The following PPP3CA variants were observed in gnomAD, a reference collection of about 807,000 sequenced individuals.
PPP3CA encodes the protein protein phosphatase 3 catalytic subunit alpha.
In PPP3CA, 14 loss-of-function variants were observed where a neutral mutation model predicts 66.5. That is an observed-to-expected ratio of 0.21 (90% CI 0.14 to 0.33). The LOEUF (loss-of-function observed/expected upper bound fraction) is 0.33, where lower values mean the gene tolerates loss of function less well. PPP3CA is among the 10% of genes least tolerant of loss of function. PPP3CA has a pLI of 1.00. For synonymous variants in PPP3CA, 232 were observed against 226.2 expected (o/e 1.03, Z -0.23); for missense variants, 317 against 639.5 (o/e 0.50, Z 5.44).
At chr4:101,269,553 C>CGTGTGTGTGTGTGTGTGTGT (rs55721209) in intron 1 of PPP3CA, among the ~76,000 whole-genome samples, 4 of 135,882 alleles carry the variant, frequency 2.9e-5, no homozygotes, top group East Asian at 2.1e-4. Context: ...AAACAAGGAA[C>CGTGTGTGTGTGTGTGTGTGT]GTGTGTGTGT....
chr4:101,069,383 G>C (rs1728816080), intron 8 of PPP3CA, among the ~76,000 whole-genome samples: 1 of 151,970 alleles, frequency 6.6e-6, no homozygotes. Flanking sequence ...TTACTCACTA[G>C]GTGGAAATGG....
At chr4:101,173,630 A>G (rs1209915874) in intron 2 of PPP3CA, among the ~76,000 whole-genome samples, 2 of 152,158 alleles carry the variant, frequency 1.3e-5, no homozygotes, top group South Asian at 2.1e-4. Flanking sequence ...GTTTTAAATA[A>G]CAGTTTAGCA....
intron 1 of PPP3CA, among the ~76,000 whole-genome samples, chr4:101,280,819 C>CA (rs5860668): frequency 0.36 from 29,924 of 84,220 alleles, 4,720 homozygotes; most frequent in East Asian, 0.56. Context: ...GACTCAGTCT[C>CA]AAAAAAAAAA....
intron 4 of PPP3CA, among the ~76,000 whole-genome samples, chr4:101,098,745 G>A (rs763555320): frequency 2.0e-5 from 3 of 151,620 alleles, no homozygotes; most frequent in Non-Finnish European, 4.4e-5. Flanking sequence ...TTTTCATAAC[G>A]TTTTGTATAG....
At chr4:101,027,386 C>T (rs185281818) in intron 13 of PPP3CA, among the ~76,000 whole-genome samples, 11 of 152,148 alleles carry the variant, frequency 7.2e-5, no homozygotes, top group Admixed American at 6.5e-4. Flanking sequence ...TTTCAATACT[C>T]ATTAAAAGAT....
intron 1 of PPP3CA, among the ~76,000 whole-genome samples, chr4:101,283,804 T>C (rs1727755821): frequency 6.6e-6 from 1 of 152,090 alleles, no homozygotes; most frequent in Non-Finnish European, 1.5e-5. Flanking sequence ...AACTAAGTCA[T>C]GGTATGACTC....
At chr4:101,176,353 G>A (rs1008295573) in intron 2 of PPP3CA, among the ~76,000 whole-genome samples, 2 of 152,158 alleles carry the variant, frequency 1.3e-5, no homozygotes, top group Non-Finnish European at 2.9e-5. Context: ...TGCTGCAGAA[G>A]TAAAGTCATC....
intron 2 of PPP3CA, among the ~76,000 whole-genome samples, chr4:101,121,997 C>T (rs568285755): frequency 3.3e-5 from 5 of 152,072 alleles, no homozygotes; most frequent in Admixed American, 6.6e-5. Flanking sequence ...TAGAGGCTCT[C>T]TAGCATTTCA....
intron 1 of PPP3CA, among the ~76,000 whole-genome samples, chr4:101,311,587 C>G (rs1473807110): frequency 1.3e-5 from 2 of 152,118 alleles, no homozygotes; most frequent in Non-Finnish European, 2.9e-5. Context: ...CAAGACCAGC[C>G]TGGCCAACAC....
intron 1 of PPP3CA, among the ~76,000 whole-genome samples, chr4:101,303,320 A>G (rs1331594100): frequency 6.6e-6 from 1 of 152,216 alleles, no homozygotes; most frequent in East Asian, 1.9e-4. Context: ...AAGATACACT[A>G]GCTCACCCTA....
At chr4:101,243,093 G>A (rs1311147585) in intron 1 of PPP3CA, among the ~76,000 whole-genome samples, 1 of 152,106 alleles carries the variant, frequency 6.6e-6, no homozygotes, top group East Asian at 1.9e-4. Flanking sequence ...AAAACATGTA[G>A]GACAAAACCA....
At chr4:101,202,473 T>C (rs1724998399) in intron 1 of PPP3CA, among the ~76,000 whole-genome samples, 1 of 152,202 alleles carries the variant, frequency 6.6e-6, no homozygotes, top group Non-Finnish European at 1.5e-5. Context: ...GTATGGGGGA[T>C]ATGTGTTTAT....
chr4:101,317,190 A>G (rs915264385), intron 1 of PPP3CA, among the ~76,000 whole-genome samples: 1 of 151,716 alleles, frequency 6.6e-6, no homozygotes, highest in Admixed American at 6.6e-5. Context: ...CAGCAAAAGA[A>G]AACCAGACCA....
At chr4:101,086,623 C>A (rs903040323) in intron 6 of PPP3CA, among the ~76,000 whole-genome samples, 1 of 152,190 alleles carries the variant, frequency 6.6e-6, no homozygotes, top group African/African-American at 2.4e-5. Flanking sequence ...TATTCTTCTG[C>A]CAAGTCTTCA....
intron 1 of PPP3CA, among the ~76,000 whole-genome samples, chr4:101,336,363 G>A (rs1490575193): frequency 6.6e-6 from 1 of 151,518 alleles, no homozygotes; most frequent in Non-Finnish European, 1.5e-5. Context: ...TTGAGGTCAG[G>A]AGTTCAAGAC....
At chr4:101,288,747 C>G (rs1019120102) in intron 1 of PPP3CA, among the ~76,000 whole-genome samples, 1 of 151,952 alleles carries the variant, frequency 6.6e-6, no homozygotes, top group African/African-American at 2.4e-5. Flanking sequence ...ATAAAGGAAG[C>G]AGCTGTGTAA....
At chr4:101,311,826 T>C (rs1230711940) in intron 1 of PPP3CA, among the ~76,000 whole-genome samples, 2 of 152,190 alleles carry the variant, frequency 1.3e-5, no homozygotes, top group Non-Finnish European at 2.9e-5. Flanking sequence ...GCAATTTTTC[T>C]GCTGGTAAAG....
rs1380695692 is a variant in PPP3CA at position 101,203,417 on chromosome 4, C to T, written c.59-7301G>A. Reference sequence around the variant, plus strand: ...GGCTAAGGCAGGAGAACCACCTGAACCCGGGAGGCGGAGGCTGCAGTGAGC... The same window carrying T: ...GGCTAAGGCAGGAGAACCACCTGAATCCGGGAGGCGGAGGCTGCAGTGAGC... On this transcript the variant is annotated intron_variant, in intron 1 of 13. Coordinates refer to ENST00000394854, the MANE Select transcript of PPP3CA (RefSeq NM_000944.5). 2.6e-5 allele frequency among the ~76,000 whole-genome samples: 4 copies of T among 152,240 alleles called. No homozygotes were observed. The East Asian group carries it at 7.7e-4, about 29-fold the overall frequency.
intron 2 of PPP3CA, among the ~76,000 whole-genome samples, chr4:101,129,831 GCCTCTTCTCCT>G (rs1722370205): frequency 6.6e-6 from 1 of 152,108 alleles, no homozygotes; most frequent in Admixed American, 6.5e-5. Context: ...AAACCAGAAT[GCCTCTTCTCCT>G]CCAAAGGATC....
Sources: allele counts gnomAD v4.1 joint callset (sites outside exome capture counted in the v4.1 genomes callset), GRCh38; gene constraint gnomAD v4.1.1; transcripts MANE v1.5; gene names NCBI Gene and HGNC (gene_info 2026-07-23, HGNC 2026-07-21).